Variants in PTPRN2 observed in about 807,000 individuals in gnomAD.
The protein encoded by PTPRN2 is receptor-type tyrosine-protein phosphatase N2.
A neutral mutation model predicts 118.8 loss-of-function variants in PTPRN2; 74 were observed. The ratio of observed to expected loss-of-function variants is 0.62; its 90% CI spans 0.52 to 0.76. The LOEUF is 0.76. Among genes scored for constraint, PTPRN2 ranks in the 30% least tolerant of loss-of-function variants. The probability of loss-of-function intolerance (pLI) is 0.00; values close to 1 mark genes in which losing one functional copy is unlikely to be tolerated. For synonymous variants in PTPRN2, 641 were observed against 608.0 expected (o/e 1.05, Z -0.80); for missense variants, 1,481 against 1,394.4 (o/e 1.06, Z -0.99).
At chr7:157,936,495 C>T (rs1339636605) in intron 11 of PTPRN2, among the ~76,000 whole-genome samples, 3 of 152,208 alleles carry the variant, frequency 2.0e-5, no homozygotes, top group Admixed American at 1.3e-4. Context: ...CCTGGATTCC[C>T]ACCACCTCTC....
intron 14 of PTPRN2, among the ~76,000 whole-genome samples, chr7:157,633,383 T>C (rs1027398778): frequency 6.6e-6 from 1 of 152,240 alleles, no homozygotes; most frequent in Non-Finnish European, 1.5e-5. Context: ...CCTCGGGTGA[T>C]CTGCCTGCCT....
chr7:157,947,803 G>T (rs144749489), intron 11 of PTPRN2, among the ~76,000 whole-genome samples: 207 of 152,298 alleles, frequency 1.4e-3, no homozygotes, highest in African/African-American at 4.9e-3. Flanking sequence ...TTTGAAAGCA[G>T]CAAGAGAGAG....
intron 12 of PTPRN2, among the ~76,000 whole-genome samples, chr7:157,816,891 A>G (rs1478491246): frequency 6.6e-6 from 1 of 152,216 alleles, no homozygotes; most frequent in African/African-American, 2.4e-5. Flanking sequence ...TTTACTCAGG[A>G]ATATCCCATC....
intron 11 of PTPRN2, among the ~76,000 whole-genome samples, chr7:157,907,634 G>C (rs1418996654): frequency 4.9e-5 from 7 of 141,722 alleles, no homozygotes; most frequent in African/African-American, 1.9e-4. Flanking sequence ...GGGGGTGGCA[G>C]TATCTCCCTG....
chr7:157,728,210 G>A (rs1270762430), intron 12 of PTPRN2, among the ~76,000 whole-genome samples: 2 of 152,224 alleles, frequency 1.3e-5, no homozygotes, highest in Non-Finnish European at 2.9e-5. Context: ...CGACTCTGCC[G>A]CGCGGTCTCC....
chr7:158,142,907 T>C (rs1819522036), intron 6 of PTPRN2, among the ~76,000 whole-genome samples: 1 of 152,186 alleles, frequency 6.6e-6, no homozygotes, highest in South Asian at 2.1e-4. Flanking sequence ...ATAAAAGATG[T>C]GCTCCGGAAT....
chr7:157,630,121 A>G (rs1429736820), intron 14 of PTPRN2, among the ~76,000 whole-genome samples: 1 of 152,224 alleles, frequency 6.6e-6, no homozygotes, highest in African/African-American at 2.4e-5. Flanking sequence ...AAGTTCGATG[A>G]GGTTGATTGT....
intron 2 of PTPRN2, among the ~76,000 whole-genome samples, chr7:158,319,609 T>TCACACA (rs1802713045): frequency 6.3e-5 from 1 of 15,922 alleles, no homozygotes; most frequent in African/African-American, 2.2e-4. Flanking sequence ...ACAGCCTCCC[T>TCACACA]TGTACACACA....
rs781276410 is a variant in PTPRN2 at position 157,909,275 on chromosome 7, G to A, written c.1724-10538C>T. Among the ~76,000 whole-genome samples the A allele has an allele frequency of 8.6e-5, 13 of 152,008 alleles. 1 individual carries two copies. The highest frequency in any genetic ancestry group is 1.7e-4 in the African/African-American group (7 of 41,370). On this transcript the variant is annotated intron_variant, in intron 11 of 22. Coordinates refer to ENST00000389418, the MANE Select transcript of PTPRN2 (RefSeq NM_002847.5). ...TCAAAGTATGAAGCATTTTTTTAGC[G>A]GCTAATGAGCTTCACATAGACTTTT...
chr7:158,260,436 T>C (rs544869092), intron 3 of PTPRN2, among the ~76,000 whole-genome samples: 7 of 152,304 alleles, frequency 4.6e-5, no homozygotes, highest in South Asian at 4.1e-4. Context: ...TAGTAATGCA[T>C]GCATTCATAA....
At chr7:158,071,571 G>GTA (rs1255778497) in intron 11 of PTPRN2, among the ~76,000 whole-genome samples, 7 of 20,228 alleles carry the variant, frequency 3.5e-4, no homozygotes, top group Admixed American at 6.0e-4. Context: ...GGTGCTCCTG[G>GTA]TGGAGGTGCT....
chr7:157,783,648 C>G (rs1803823734), intron 12 of PTPRN2, among the ~76,000 whole-genome samples: 1 of 151,722 alleles, frequency 6.6e-6, no homozygotes, highest in South Asian at 2.1e-4. Flanking sequence ...AAACAAGATT[C>G]CAGGAGCCCT....
intron 12 of PTPRN2, among the ~76,000 whole-genome samples, chr7:157,693,074 T>G (rs1335186546): frequency 1.5e-5 from 2 of 132,804 alleles, no homozygotes; most frequent in African/African-American, 2.8e-5. Flanking sequence ...GAGGTGGCGC[T>G]GGGGGGCGGG....
At chr7:157,706,047 C>T (rs1205287015) in intron 12 of PTPRN2, among the ~76,000 whole-genome samples, 2 of 151,402 alleles carry the variant, frequency 1.3e-5, no homozygotes, top group South Asian at 2.1e-4. Flanking sequence ...TCAACGTGGA[C>T]CACATCCCCC....
intron 6 of PTPRN2, among the ~76,000 whole-genome samples, chr7:158,152,597 G>A (rs1821300474): frequency 6.6e-6 from 1 of 152,110 alleles, no homozygotes; most frequent in South Asian, 2.1e-4. Context: ...CCCTGGCTGG[G>A]GCTCCATCTC....
At chr7:157,862,846 T>TGCGGGAAGCGGCGAGGTGC (rs1810345934) in intron 12 of PTPRN2, 1 of 152,152 alleles carries the variant, frequency 6.6e-6, no homozygotes, top group African/African-American at 2.4e-5. Flanking sequence ...CGGCGAGGTG[T>TGCGGGAAGCGGCGAGGTGC]GCGGGAAGCG....
chr7:158,281,851 G>A (rs1308058287), intron 3 of PTPRN2, among the ~76,000 whole-genome samples: 5 of 152,240 alleles, frequency 3.3e-5, no homozygotes, highest in African/African-American at 1.2e-4. Context: ...TTCTTTTGAG[G>A]TGTGAACAGT....
chr7:158,161,785 T>C (rs1822379819), intron 6 of PTPRN2, among the ~76,000 whole-genome samples: 1 of 133,454 alleles, frequency 7.5e-6, no homozygotes, highest in African/African-American at 2.6e-5. Context: ...GTCAAGAGAA[T>C]GAAAATACAA....
At chr7:158,520,350 ACT>A (rs1475033255) in intron 1 of PTPRN2, among the ~76,000 whole-genome samples, 3 of 152,182 alleles carry the variant, frequency 2.0e-5, no homozygotes, top group African/African-American at 7.2e-5. Flanking sequence ...AATGAAACGG[ACT>A]CTGAGAACTT....
Sources: gnomAD v4.1 joint callset for allele counts (sites outside exome capture counted in the v4.1 genomes callset) on GRCh38, gnomAD v4.1.1 for gene constraint, MANE v1.5 for transcripts, NCBI Gene and HGNC (gene_info 2026-07-23, HGNC 2026-07-21) for gene names.